Variants in BLM observed in about 807,000 individuals in gnomAD.
BLM encodes the protein BLM RecQ like helicase, also known as recQ-like DNA helicase BLM.
BLM carries 95 observed loss-of-function variants against 135.3 expected under a neutral mutation model. The observed-to-expected ratio is 0.70, with a 90% CI of 0.59 to 0.83. The LOEUF (loss-of-function observed/expected upper bound fraction) is 0.83. Ranked by LOEUF, BLM falls within the 40% of genes least tolerant of loss-of-function variation. BLM has a pLI of 0.00. For synonymous variants in BLM, 520 were observed against 589.2 expected (o/e 0.88, Z 1.70); for missense variants, 1,518 against 1,663.9 (o/e 0.91, Z 1.53).
rs532183382 is a variant in BLM, at chr15:90,771,356, G to A, written c.2555+1770G>A. Among the ~76,000 whole-genome samples, 31 of 152,152 alleles carry A rather than the reference G, an allele frequency of 2.0e-4. No homozygotes were observed. In the South Asian group the frequency reaches 2.1e-3, roughly 10 times the overall value. On this transcript the variant is annotated intron_variant, in intron 12 of 21. Transcript: ENST00000355112. ...ACAAAAATTAGCCAGGCCTACTGGCGTGCGCCTGTAATCGCTGCTACTCAG... is the reference window on the plus strand; with the variant it reads ...ACAAAAATTAGCCAGGCCTACTGGCATGCGCCTGTAATCGCTGCTACTCAG...
At chr15:90,803,766 C>G (rs1897222892) in intron 18 of BLM, 46 bp downstream of exon 18, 2 of 1,553,480 alleles carry the variant, frequency 1.3e-6, no homozygotes, top group South Asian at 1.1e-5. Context: ...AATGAGTGAA[C>G]CAAAATATAT....
chr15:90,801,254 T>A (rs1376664399), intron 17 of BLM, among the ~76,000 whole-genome samples: 2 of 152,102 alleles, frequency 1.3e-5, no homozygotes, highest in Non-Finnish European at 2.9e-5. Flanking sequence ...ATAAGAGTCA[T>A]GACATTGTTC....
chr15:90,752,637 T>C (rs149079141), intron 4 of BLM, among the ~76,000 whole-genome samples: 17 of 152,354 alleles, frequency 1.1e-4, no homozygotes, highest in Non-Finnish European at 2.4e-4. Flanking sequence ...ATTGTATTTG[T>C]TATTCACTCA....
chr15:90,760,037 G>A (rs2151156821), intron 5 of BLM, 110 bp from the exon 6 acceptor site: 1 of 1,042,470 alleles, frequency 9.6e-7, no homozygotes. Context: ...CAATCCTCCT[G>A]CCTTGGCCTC....
intron 1 of BLM, among the ~76,000 whole-genome samples, chr15:90,729,654 T>C (rs1246626522): frequency 1.3e-5 from 2 of 152,200 alleles, no homozygotes; most frequent in Non-Finnish European, 2.9e-5. Context: ...CAGGATAATC[T>C]TCCTATTTTA....
At chr15:90,814,963 A>AT (rs1596276229) in intron 21 of BLM, 139 bp from the exon 22 acceptor site, 1 of 783,352 alleles carries the variant, frequency 1.3e-6, no homozygotes, top group East Asian at 2.6e-5. Context: ...TACCTTACCT[A>AT]GGGGGCTCGT....
chr15:90,770,269 G>A (rs1896274218), intron 12 of BLM, among the ~76,000 whole-genome samples: 1 of 150,968 alleles, frequency 6.6e-6, no homozygotes, highest in Non-Finnish European at 1.5e-5. Context: ...TGCCTCCCGG[G>A]GTTCACGCCA....
intron 1 of BLM, among the ~76,000 whole-genome samples, chr15:90,720,495 T>C (rs1894736474): frequency 6.6e-6 from 1 of 152,234 alleles, no homozygotes; most frequent in Admixed American, 6.5e-5. Flanking sequence ...CCTTTCCAAA[T>C]TTCAGCTATA....
At chr15:90,768,649 T>C (rs1253347955) in intron 10 of BLM, among the ~76,000 whole-genome samples, 2 of 152,250 alleles carry the variant, frequency 1.3e-5, no homozygotes, top group African/African-American at 2.4e-5. Flanking sequence ...TAAAATTTGA[T>C]CTGCTATTTT....
rs761955701 is a variant in BLM, at chr15:90,761,102, A to C, written c.1729A>C (p.Ser577Arg). ...AGACATAATGCATAATTTAGCAGCC[A>C]GCAAATCTTCCACAGCTGCCTATCA... ...WEDIMHNLAA[S>R]KSSTAAYQPI... The change falls in exon 7 of 22, where the codon AGC becomes CGC. Residue 577 changes from serine to arginine, a missense_variant. Transcript: ENST00000355112. 1.4e-5 allele frequency: 21 copies of C among 1,547,474 alleles called. No individual in the cohort carries two copies. The highest frequency in any genetic ancestry group is 1.8e-5 in the Non-Finnish European group (21 of 1,151,956).
At chr15:90,792,196 C>T (rs1896923139) in intron 15 of BLM, among the ~76,000 whole-genome samples, 1 of 151,552 alleles carries the variant, frequency 6.6e-6, no homozygotes, top group Non-Finnish European at 1.5e-5. Context: ...ACCTCTGCCT[C>T]CCAGATGCAA....
intron 15 of BLM, among the ~76,000 whole-genome samples, chr15:90,791,262 C>T (rs1030019772): frequency 6.6e-6 from 1 of 152,162 alleles, no homozygotes; most frequent in African/African-American, 2.4e-5. Flanking sequence ...CACAATCAAT[C>T]GAGCTGAACC....
intron 1 of BLM, among the ~76,000 whole-genome samples, chr15:90,734,783 T>A (rs952168411): frequency 6.6e-6 from 1 of 152,086 alleles, no homozygotes; most frequent in Non-Finnish European, 1.5e-5. Context: ...ACTAGAGGCA[T>A]TTTTACTAAG....
At chr15:90,775,807 C>A (rs1896462038) in intron 12 of BLM, among the ~76,000 whole-genome samples, 2 of 152,156 alleles carry the variant, frequency 1.3e-5, no homozygotes, top group South Asian at 4.1e-4. Context: ...CACGCCCGGC[C>A]ATAAGCATAC....
rs587778103 is a variant in BLM, at chr15:90,811,399, G to C, written c.4069G>C (p.Ala1357Pro). 1 of 1,614,096 alleles carries C rather than the reference G, an allele frequency of 6.2e-7. No homozygotes were observed. Among genetic ancestry groups the C allele is most frequent in the Non-Finnish European group, 8.5e-7 (1 of 1,179,974 alleles). The stretch of plus-strand genomic sequence containing the variant: ...AAAAACTGCTTCCAGTGGTTCCAAG[G>C]CAAAGGGGTATGTTTTGTGACATCT... Reference protein sequence around the residue: ...RRKTASSGSKAKGGSATCRKI... With the variant: ...RRKTASSGSKPKGGSATCRKI... Residue 1357 changes from alanine to proline, a missense_variant, in exon 21 of 22, where the codon GCA (alanine) becomes CCA (proline). Around this residue, in one of 5 missense-constraint regions of BLM, gnomAD observed 153 missense variants for 173.4 expected, o/e 0.88. Transcript: ENST00000355112.
At chr15:90,730,730 G>A (rs181903304) in intron 1 of BLM, among the ~76,000 whole-genome samples, 67 of 152,278 alleles carry the variant, frequency 4.4e-4, no homozygotes, top group African/African-American at 1.6e-3. Flanking sequence ...ACAGGTATGA[G>A]CCACCATGCC....
chr15:90,806,801 C>T (rs992341309), intron 19 of BLM, among the ~76,000 whole-genome samples: 2 of 152,206 alleles, frequency 1.3e-5, no homozygotes, highest in Admixed American at 1.3e-4. Flanking sequence ...CCCTCTCCTA[C>T]GATAATCGGT....
At chr15:90,781,225 C>G (rs1896609366) in intron 12 of BLM, among the ~76,000 whole-genome samples, 1 of 152,182 alleles carries the variant, frequency 6.6e-6, no homozygotes, top group African/African-American at 2.4e-5. Flanking sequence ...GGCTTTAACT[C>G]CTTCTGCTGT....
In BLM at chr15:90,760,986, C is replaced by T. The variant is rs778593808; in HGVS notation, c.1613C>T (p.Ala538Val). Residue 538 changes from alanine to valine, a missense_variant, in exon 7 of 22, where the codon GCT (alanine) becomes GTT (valine). Ala to Val is a moderately conservative substitution (Grantham distance 64). This residue lies in a region of BLM where 724 missense variants were observed against 756.9 expected (regional missense o/e 0.96). Coordinates refer to ENST00000355112, the MANE Select transcript of BLM (RefSeq NM_000057.4). ...TAVKDQNKHT[A>V]SINDLERETQ... ...GTGAAAGATCAGAATAAACATACTG[C>T]TTCAATAAATGACTTAGAAAGAGAA... 11 of 1,611,998 alleles carry T rather than the reference C, an allele frequency of 6.8e-6. No individual in the cohort carries two copies. Among genetic ancestry groups the T allele is most frequent in the South Asian group, 2.2e-5 (2 of 90,576 alleles).
Sources: allele counts gnomAD v4.1 joint callset (sites outside exome capture counted in the v4.1 genomes callset), GRCh38; gene constraint gnomAD v4.1.1; regional missense constraint gnomAD v4.1.1; transcripts MANE v1.5; gene names NCBI Gene and HGNC (gene_info 2026-07-23, HGNC 2026-07-21).